Variants in ARHGAP10 observed in about 807,000 individuals in gnomAD.
The protein encoded by ARHGAP10 is Rho GTPase activating protein 10.
ARHGAP10 carries 87 observed loss-of-function variants against 108.6 expected under a neutral mutation model. That is an observed-to-expected ratio of 0.80 (90% CI 0.67 to 0.96). The LOEUF (loss-of-function observed/expected upper bound fraction) is 0.96. ARHGAP10 is among the 40% of genes least tolerant of loss of function. ARHGAP10 has a pLI of 0.00. For missense variants in ARHGAP10, 939 were observed against 954.5 expected, an observed-to-expected ratio of 0.98 and a Z score of 0.21; for synonymous variants, 347 against 341.1, an observed-to-expected ratio of 1.02 and a Z score of -0.19.
chr4:147,976,626 C>T (rs1238458193), intron 18 of ARHGAP10, among the ~76,000 whole-genome samples: 1 of 150,324 alleles, frequency 6.7e-6, no homozygotes, highest in Non-Finnish European at 1.5e-5. Flanking sequence ...AGGAAACTTT[C>T]TGTCTTCCTT....
At chr4:147,827,998 G>T (rs991573108) in intron 3 of ARHGAP10, among the ~76,000 whole-genome samples, 10 of 152,082 alleles carry the variant, frequency 6.6e-5, no homozygotes, top group African/African-American at 2.2e-4. Context: ...TAGAGATGGG[G>T]TTTCACCATG....
At position 147,913,092 on chromosome 4, in the gene ARHGAP10, T is replaced by C; in HGVS notation, c.1181T>C (p.Met394Thr). ...RPEGNAQLDK[M>T]GFTIIRKCIS... is the part of the protein sequence containing the mutation. ...CTTGTAGATGCACAGTTGGATAAGA[T>C]GGGGTTCACAATTATCAGAAAATGC... Residue 394 changes from methionine (M) to threonine (T), a missense_variant, in exon 13 of 23, where the codon ATG becomes ACG. Physicochemically the swap from Met to Thr is moderately conservative, Grantham distance 81 (BLOSUM62 -1). Transcript: ENST00000336498. The C allele has an allele frequency of 1.2e-6, 2 of 1,613,858 alleles. No homozygotes were observed. Among genetic ancestry groups the C allele is most frequent in the Non-Finnish European group, 1.7e-6 (2 of 1,179,774 alleles).
rs374679440 is a variant in ARHGAP10 at position 148,023,212 on chromosome 4, C to T, written c.1717-51C>T. 5.0e-6 allele frequency: 8 copies of T among 1,596,762 alleles called. No individual in the cohort carries two copies. The African/African-American group carries it at 9.4e-5, about 19-fold the overall frequency. On this transcript the variant is annotated intron_variant, in intron 18 of 22. Transcript: ENST00000336498. Reference sequence around the variant, plus strand: ...GGTGCTGGTTTACTGGAGTAACACACAGGTTTCTGTTCATGGTAAATAATT... The same window carrying T: ...GGTGCTGGTTTACTGGAGTAACACATAGGTTTCTGTTCATGGTAAATAATT...
chr4:147,899,308 G>GGT lies in ARHGAP10; in HGVS notation c.1035-7316_1035-7315dup, dbSNP rs151147300. On this transcript the variant is annotated intron_variant, in intron 10 of 22. Transcript: ENST00000336498. Reference sequence around the variant, plus strand: ...CTCCACCATGGATGAAAGCAGCTGGGGTGTGTGTGTGTGTGCATGCGTGTG... The same window carrying GGT: ...CTCCACCATGGATGAAAGCAGCTGGGGTGTGTGTGTGTGTGTGCATGCGTGTG... 6.9e-3 allele frequency among the ~76,000 whole-genome samples: 1,038 copies of GGT among 150,818 alleles called. 9 individuals carry two copies. Among genetic ancestry groups the GGT allele is most frequent in the African/African-American group, 0.023 (962 of 41,264 alleles).
intron 1 of ARHGAP10, among the ~76,000 whole-genome samples, chr4:147,763,523 G>A (rs981044500): frequency 6.6e-6 from 1 of 151,948 alleles, no homozygotes; most frequent in South Asian, 2.1e-4. Context: ...TGTTGGACAG[G>A]ATGGTCTCGA....
chr4:148,029,596 A>G lies in ARHGAP10; in HGVS notation c.1867+6183A>G, dbSNP rs1184432745. Among the ~76,000 whole-genome samples, 4 of 152,210 alleles carry G rather than the reference A, an allele frequency of 2.6e-5. No homozygotes were observed. In the East Asian group the frequency reaches 5.8e-4, roughly 22 times the overall value. On this transcript the variant is annotated intron_variant, in intron 19 of 22. Coordinates refer to ENST00000336498, the MANE Select transcript of ARHGAP10 (RefSeq NM_024605.4). Reference sequence around the variant, plus strand: ...ATCAGCTTGATGCAGATTATAATCAATCCAGGTAACTGGACTAAGCAGACC... The same window carrying G: ...ATCAGCTTGATGCAGATTATAATCAGTCCAGGTAACTGGACTAAGCAGACC...
intron 3 of ARHGAP10, among the ~76,000 whole-genome samples, chr4:147,824,068 C>T (rs1732609136): frequency 6.6e-6 from 1 of 152,084 alleles, no homozygotes; most frequent in Non-Finnish European, 1.5e-5. Context: ...GCCTGTAATC[C>T]CAGCACTTTG....
chr4:148,009,731 C>T (rs1171319877), intron 18 of ARHGAP10, among the ~76,000 whole-genome samples: 2 of 152,148 alleles, frequency 1.3e-5, no homozygotes, highest in Admixed American at 1.3e-4. Context: ...TTGGGATCTC[C>T]ATCTAGTCAG....
At chr4:147,875,186 T>G in intron 8 of ARHGAP10, 36 bp downstream of exon 8, 1 of 1,523,444 alleles carries the variant, frequency 6.6e-7, no homozygotes, top group Middle Eastern at 1.8e-4. Context: ...CGTGGCTGCT[T>G]AAAAATGCAA....
chr4:147,955,192 T>G lies in ARHGAP10; in HGVS notation c.1392-124T>G, dbSNP rs1251406147. ...TATCTTTTTTGATATGTAAAGGTAT[T>G]CCCTAGGGAAGTTTTACACATTAAT... On this transcript the variant is annotated intron_variant, in intron 15 of 22. Coordinates refer to ENST00000336498, the MANE Select transcript of ARHGAP10 (RefSeq NM_024605.4). 14 of 845,122 alleles carry G rather than the reference T, an allele frequency of 1.7e-5. 1 individual carries two copies. Among genetic ancestry groups the G allele is most frequent in the Non-Finnish European group, 2.7e-5 (14 of 527,372 alleles). 52.4% of individuals were successfully genotyped at this position (845,122 alleles called of 1,614,324 possible). A position where few individuals can be genotyped will look rare whatever the true frequency, so the allele number is the denominator to read the frequency against.
chr4:147,756,254 A>G (rs1159407779), intron 1 of ARHGAP10, among the ~76,000 whole-genome samples: 1 of 152,294 alleles, frequency 6.6e-6, no homozygotes, highest in Non-Finnish European at 1.5e-5. Context: ...CCTAGCCCCA[A>G]GTAAGTCTGG....
chr4:147,774,416 G>T (rs1172750225), intron 1 of ARHGAP10, among the ~76,000 whole-genome samples: 2 of 152,196 alleles, frequency 1.3e-5, no homozygotes, highest in African/African-American at 4.8e-5. Flanking sequence ...CTGTAAGAGT[G>T]TGCAGGTGGA....
At chr4:147,965,898 A>G (rs1301200888) in intron 17 of ARHGAP10, among the ~76,000 whole-genome samples, 1 of 152,244 alleles carries the variant, frequency 6.6e-6, no homozygotes, top group Non-Finnish European at 1.5e-5. Flanking sequence ...GATGATAAAT[A>G]GCAAAAACAC....
chr4:147,829,983 G>A (rs910105033), intron 3 of ARHGAP10, among the ~76,000 whole-genome samples: 2 of 152,170 alleles, frequency 1.3e-5, no homozygotes, highest in Non-Finnish European at 2.9e-5. Context: ...GTGCACAAAA[G>A]GTGCCTGAGA....
chr4:147,931,510 T>TA (rs1359964833), intron 13 of ARHGAP10, among the ~76,000 whole-genome samples: 2 of 152,206 alleles, frequency 1.3e-5, no homozygotes, highest in African/African-American at 4.8e-5. Flanking sequence ...TCTATAGTTC[T>TA]ATATCAAATT....
chr4:147,971,721 T>C (rs994056955), intron 18 of ARHGAP10, among the ~76,000 whole-genome samples: 2 of 151,742 alleles, frequency 1.3e-5, no homozygotes, highest in African/African-American at 4.8e-5. Flanking sequence ...GTGTGGGAGG[T>C]TGAGAATGCC....
intron 9 of ARHGAP10, among the ~76,000 whole-genome samples, chr4:147,879,586 G>T (rs1268885270): frequency 6.6e-6 from 1 of 151,462 alleles, no homozygotes; most frequent in Non-Finnish European, 1.5e-5. Context: ...GGATACATGT[G>T]CACAACGTGC....
chr4:148,057,412 G>C lies in ARHGAP10; in HGVS notation c.2028-5736G>C, dbSNP rs117039484. Among the ~76,000 whole-genome samples the C allele has an allele frequency of 3.7e-4, 57 of 152,306 alleles. 1 individual carries two copies. In the East Asian group the frequency reaches 0.01, roughly 27 times the overall value. On this transcript the variant is annotated intron_variant, in intron 20 of 22. Coordinates refer to ENST00000336498, the MANE Select transcript of ARHGAP10 (RefSeq NM_024605.4). ...GACTTGAGGGTCTGAGATCTGTGCTGTCTTGTCAAAACAGGGTTTACTAGA... is the reference window on the plus strand; with the variant it reads ...GACTTGAGGGTCTGAGATCTGTGCTCTCTTGTCAAAACAGGGTTTACTAGA...
At chr4:147,983,310 C>T (rs563178553) in intron 18 of ARHGAP10, among the ~76,000 whole-genome samples, 3 of 151,850 alleles carry the variant, frequency 2.0e-5, no homozygotes, top group Admixed American at 1.3e-4. Context: ...CTCAGCCTCC[C>T]GAGTAGCTGG....
Sources: gnomAD v4.1 joint callset for allele counts (sites outside exome capture counted in the v4.1 genomes callset) on GRCh38, gnomAD v4.1.1 for gene constraint, MANE v1.5 for transcripts, NCBI Gene and HGNC (gene_info 2026-07-23, HGNC 2026-07-21) for gene names.